The following SHTN1 variants were observed in gnomAD, a reference collection of about 807,000 sequenced individuals.
SHTN1 encodes shootin-1.
In SHTN1, 42 loss-of-function variants were observed where a neutral mutation model predicts 83.1. That is an observed-to-expected ratio of 0.51 (90% CI 0.39 to 0.65). The LOEUF is 0.65. SHTN1 is among the 30% of genes least tolerant of loss of function. The pLI, the probability that SHTN1 is intolerant of heterozygous loss-of-function variation, is 0.00. For missense variants in SHTN1, 622 were observed against 737.8 expected, an observed-to-expected ratio of 0.84 and a Z score of 1.82; for synonymous variants, 224 against 247.7, an observed-to-expected ratio of 0.90 and a Z score of 0.90.
In SHTN1 at chr10:117,005,108, GAA is replaced by G; in HGVS notation, c.-31_-30del. 1 of 1,579,900 alleles carries G rather than the reference GAA, an allele frequency of 6.3e-7. No homozygotes were observed. ...GGCGGGTGGGGCCGGGAATAAAAGG[GAA>G]AGAGGGAGCGGCGCGGGGCACACAG... is the stretch of plus-strand genomic sequence containing the variant. On this transcript the variant is annotated 5_prime_UTR_variant, in exon 1 of 17. Coordinates refer to ENST00000355371, the MANE Select transcript of SHTN1 (RefSeq NM_001127211.3).
At chr10:116,996,630 G>C (rs1278801817) in intron 1 of SHTN1, among the ~76,000 whole-genome samples, 2 of 151,988 alleles carry the variant, frequency 1.3e-5, no homozygotes, top group East Asian at 1.9e-4. Flanking sequence ...CATTAACCTT[G>C]CTTTTCCTTT....
In SHTN1 at chr10:117,125,250, C is replaced by A. The variant is rs530516541; in HGVS notation, c.-189+1057G>T. On this transcript the variant is annotated intron_variant, in intron 1 of 17. Transcript: ENST00000392901. The stretch of plus-strand genomic sequence containing the variant: ...GCACTAGAGTTGAACTTATTTGCCA[C>A]CCTCCCACTGGTCTCTGAACAGAGA... 4.3e-4 allele frequency among the ~76,000 whole-genome samples: 65 copies of A among 152,274 alleles called. 2 individuals are homozygous for A. In the South Asian group the frequency reaches 0.013, roughly 31 times the overall value.
chr10:117,115,743 T>C (rs1213579150), intron 1 of SHTN1, among the ~76,000 whole-genome samples: 1 of 152,162 alleles, frequency 6.6e-6, no homozygotes, highest in East Asian at 1.9e-4. Context: ...TCACTAGAGA[T>C]TTCTTCAAGA....
intron 16 of SHTN1, among the ~76,000 whole-genome samples, chr10:116,888,791 T>TA (rs1321122213): frequency 6.6e-6 from 1 of 152,170 alleles, no homozygotes; most frequent in African/African-American, 2.4e-5. Flanking sequence ...TTCCGAGGGT[T>TA]AAAAAAAATT....
chr10:117,048,545 A>T, intron 1 of SHTN1: 1 of 868,992 alleles, frequency 1.2e-6, no homozygotes, highest in Non-Finnish European at 1.4e-6. Flanking sequence ...TGGCATTCTA[A>T]AATACTGTAA....
chr10:116,911,566 A>C (rs1010984739), intron 14 of SHTN1: 3 of 1,550,818 alleles, frequency 1.9e-6, no homozygotes, highest in Non-Finnish European at 2.6e-6. Context: ...CTTTGGTGAA[A>C]GTGTAACCAC....
At chr10:116,917,445 CAAG>C (rs1564875426) in intron 12 of SHTN1, among the ~76,000 whole-genome samples, 1 of 152,154 alleles carries the variant, frequency 6.6e-6, no homozygotes, top group East Asian at 1.9e-4. Context: ...GCTGGGATTA[CAAG>C]AAGCGTCACT....
rs1851826267 is a variant in SHTN1, at chr10:117,001,680, G to A, written c.58+3342C>T. Reference sequence around the variant, plus strand: ...GTTTTAACATTTTGATAGCAAAGTAGGGTGACTACAGTTAACAACAATGTA... The same window carrying A: ...GTTTTAACATTTTGATAGCAAAGTAAGGTGACTACAGTTAACAACAATGTA... On this transcript the variant is annotated intron_variant, in intron 1 of 16. Transcript: ENST00000355371. 3.3e-5 allele frequency among the ~76,000 whole-genome samples: 5 copies of A among 152,228 alleles called. No individual in the cohort carries two copies. The South Asian group carries it at 1.0e-3, about 32-fold the overall frequency.
At chr10:117,037,415 G>T (rs1852513903) in intron 2 of SHTN1, among the ~76,000 whole-genome samples, 1 of 152,110 alleles carries the variant, frequency 6.6e-6, no homozygotes, top group African/African-American at 2.4e-5. Flanking sequence ...AGAAATCAAA[G>T]AACTTAATAA....
intron 1 of SHTN1, among the ~76,000 whole-genome samples, chr10:117,064,113 G>C (rs1035348561): frequency 2.6e-5 from 4 of 152,248 alleles, no homozygotes; most frequent in Admixed American, 2.6e-4. Context: ...TGTGAAACTA[G>C]AAGCTGGAAA....
At chr10:117,056,638 C>T (rs1246192253) in intron 1 of SHTN1, among the ~76,000 whole-genome samples, 2 of 152,020 alleles carry the variant, frequency 1.3e-5, no homozygotes, top group African/African-American at 2.4e-5. Flanking sequence ...TGTGAAACCC[C>T]GTCTCTACTA....
At chr10:116,928,860 G>C (rs1297362955) in intron 10 of SHTN1, among the ~76,000 whole-genome samples, 2 of 152,098 alleles carry the variant, frequency 1.3e-5, no homozygotes, top group Admixed American at 1.3e-4. Context: ...TGTTTCCTAG[G>C]ATAGGGCTGG....
chr10:116,966,014 T>G (rs1004877108), intron 3 of SHTN1, among the ~76,000 whole-genome samples: 2 of 152,052 alleles, frequency 1.3e-5, no homozygotes, highest in East Asian at 1.9e-4. Context: ...TTTGTTTTTT[T>G]GGGGTTTTTT....
In SHTN1 at chr10:116,882,263, G is replaced by A. The variant is rs565756056; in HGVS notation, c.*4081C>T. 1.6e-4 allele frequency: 24 copies of A among 151,674 alleles called. No homozygotes were observed. In the South Asian group the frequency reaches 4.8e-3, roughly 30 times the overall value. 9.4% of individuals were successfully genotyped at this position (151,674 alleles called of 1,614,324 possible). ...TTTCTTGTATTATTTTTATCTTTGC[G>A]AGTCTTCTTAGATCCTTTTTGGAGT... On this transcript the variant is annotated 3_prime_UTR_variant, in exon 17 of 17. Coordinates refer to ENST00000355371, the MANE Select transcript of SHTN1 (RefSeq NM_001127211.3).
intron 1 of SHTN1, among the ~76,000 whole-genome samples, chr10:117,078,007 A>C (rs1853186761): frequency 6.6e-6 from 1 of 152,230 alleles, no homozygotes; most frequent in Non-Finnish European, 1.5e-5. Flanking sequence ...TTAACAGCAC[A>C]AACAATAGCC....
At chr10:117,103,254 T>A (rs1052084065) in intron 1 of SHTN1, among the ~76,000 whole-genome samples, 2 of 151,654 alleles carry the variant, frequency 1.3e-5, no homozygotes, top group Non-Finnish European at 2.9e-5. Flanking sequence ...CACACCTGGC[T>A]AATTTTTTAT....
At chr10:117,009,217 T>C (rs1040917882), upstream of SHTN1, among the ~76,000 whole-genome samples, 3 of 151,986 alleles carry the variant, frequency 2.0e-5, no homozygotes, top group African/African-American at 7.2e-5. Flanking sequence ...TTTTAAAAAC[T>C]AAGTATAAAA....
intron 1 of SHTN1, among the ~76,000 whole-genome samples, chr10:117,084,857 C>T (rs539547431): frequency 2.4e-4 from 37 of 151,652 alleles, no homozygotes; most frequent in Middle Eastern, 3.4e-3. Flanking sequence ...TGACCCCTTG[C>T]GCTTCCCGAG....
intron 1 of SHTN1, among the ~76,000 whole-genome samples, chr10:117,103,894 G>A (rs1442819816): frequency 6.6e-6 from 1 of 151,930 alleles, no homozygotes; most frequent in Non-Finnish European, 1.5e-5. Context: ...ATGTTACATA[G>A]GTAAACACAT....
Sources: gnomAD v4.1 joint callset for allele counts (sites outside exome capture counted in the v4.1 genomes callset) on GRCh38, gnomAD v4.1.1 for gene constraint, MANE v1.5 for transcripts, NCBI Gene and HGNC (gene_info 2026-07-23, HGNC 2026-07-21) for gene names.